The following GMDS variants were observed in gnomAD, a reference collection of about 807,000 sequenced individuals.
The protein encoded by GMDS is GDP-mannose 4,6-dehydratase.
GMDS carries 20 observed loss-of-function variants against 49.9 expected under a neutral mutation model. The observed-to-expected ratio is 0.40, with a 90% CI of 0.28 to 0.58. GMDS has a LOEUF of 0.58. Among genes scored for constraint, GMDS ranks in the 20% least tolerant of loss-of-function variants. The pLI is 0.42. For missense variants in GMDS, 362 were observed against 481.4 expected (o/e 0.75, Z 2.32); for synonymous variants, 177 against 178.6 (o/e 0.99, Z 0.07).
At chr6:1,890,852 A>G (rs1255273847) in intron 7 of GMDS, among the ~76,000 whole-genome samples, 4 of 152,226 alleles carry the variant, frequency 2.6e-5, no homozygotes, top group African/African-American at 9.6e-5. Flanking sequence ...TTTTCAAAAG[A>G]AAGTGTTACT....
chr6:2,138,531 A>G (rs1401240922), intron 1 of GMDS, among the ~76,000 whole-genome samples: 1 of 152,180 alleles, frequency 6.6e-6, no homozygotes, highest in Admixed American at 6.5e-5. Context: ...TGTCCCTCCA[A>G]ATCTCATGTT....
intron 1 of GMDS, among the ~76,000 whole-genome samples, chr6:2,160,574 A>G (rs545444938): frequency 1.9e-4 from 29 of 152,342 alleles, no homozygotes; most frequent in African/African-American, 6.5e-4. Flanking sequence ...ATTTTGAGAC[A>G]GGTGTTGCCC....
intron 7 of GMDS, among the ~76,000 whole-genome samples, chr6:1,762,172 T>G (rs2113553773): frequency 6.6e-6 from 1 of 152,364 alleles, no homozygotes; most frequent in South Asian, 2.1e-4. Flanking sequence ...CGTCTGCATT[T>G]ATTAAGAAAA....
intron 9 of GMDS, chr6:1,625,493 C>A (rs770544386): frequency 6.6e-6 from 1 of 152,236 alleles, no homozygotes; most frequent in African/African-American, 2.4e-5. Context: ...CTGCTCCACT[C>A]GAGGAAACAA....
At position 1,833,990 on chromosome 6, in the gene GMDS, T is replaced by A. The variant is rs1209694811; in HGVS notation, c.772-91404A>T. Among the ~76,000 whole-genome samples, 1 of 152,178 alleles carries A rather than the reference T, an allele frequency of 6.6e-6. No homozygotes were observed. The highest frequency in any genetic ancestry group is 2.4e-5 in the African/African-American group (1 of 41,432). On this transcript the variant is annotated intron_variant, in intron 7 of 10. Coordinates refer to ENST00000380815, the MANE Select transcript of GMDS (RefSeq NM_001500.4). The surrounding 1 kb of genome is among the most constrained non-coding windows in gnomAD (Gnocchi z 4.4). ...AAATGAAGACATGTATATACAAACA[T>A]AACTGAATCACAAAGTCAGAGCTTA...
intron 9 of GMDS, among the ~76,000 whole-genome samples, chr6:1,698,426 T>A (rs897180885): frequency 2.0e-5 from 3 of 152,168 alleles, no homozygotes; most frequent in South Asian, 2.1e-4. Flanking sequence ...GGGAAGAACA[T>A]CCTCCCTCCC....
chr6:2,183,874 G>C (rs1778662627), intron 1 of GMDS, among the ~76,000 whole-genome samples: 1 of 152,086 alleles, frequency 6.6e-6, no homozygotes, highest in South Asian at 2.1e-4. Context: ...ATGATCACTG[G>C]CATTCTTTAG....
intron 1 of GMDS, among the ~76,000 whole-genome samples, chr6:2,168,943 G>T (rs1314590879): frequency 2.6e-5 from 4 of 152,182 alleles, no homozygotes; most frequent in African/African-American, 9.7e-5. Flanking sequence ...ACACTGACAA[G>T]ATATGATTAT....
intron 7 of GMDS, among the ~76,000 whole-genome samples, chr6:1,892,981 A>G (rs948627148): frequency 6.6e-6 from 1 of 152,114 alleles, no homozygotes; most frequent in Non-Finnish European, 1.5e-5. Flanking sequence ...CCTTGTTTAT[A>G]TCAGTCCCGT....
chr6:2,224,400 C>A (rs536409877), intron 1 of GMDS, among the ~76,000 whole-genome samples: 1 of 152,328 alleles, frequency 6.6e-6, no homozygotes, highest in African/African-American at 2.4e-5. Flanking sequence ...GACTTCTGGA[C>A]ATTAGACTCA....
At chr6:2,206,945 C>T in intron 1 of GMDS, among the ~76,000 whole-genome samples, 1 of 152,208 alleles carries the variant, frequency 6.6e-6, no homozygotes, top group East Asian at 1.9e-4. Flanking sequence ...GGGTGAACTA[C>T]TGAAAACCAC....
intron 9 of GMDS, among the ~76,000 whole-genome samples, chr6:1,718,401 CCCTACATGGTTCAG>C (rs1478790980): frequency 6.6e-6 from 1 of 152,202 alleles, no homozygotes; most frequent in East Asian, 1.9e-4. Context: ...CTCCCCACTA[CCCTACATGGTTCAG>C]CCTCTGTCCT....
chr6:2,053,105 C>T (rs1770539765), intron 4 of GMDS, among the ~76,000 whole-genome samples: 1 of 152,066 alleles, frequency 6.6e-6, no homozygotes. Flanking sequence ...ATAATCTACA[C>T]AAGAAAATAT....
intron 7 of GMDS, among the ~76,000 whole-genome samples, chr6:1,822,221 T>C (rs1770931133): frequency 6.6e-6 from 1 of 152,214 alleles, no homozygotes; most frequent in Non-Finnish European, 1.5e-5. Flanking sequence ...TTTTCCCATT[T>C]AAAAAATATC....
At position 1,921,416 on chromosome 6, in the gene GMDS, A is replaced by G. The variant is rs186744923; in HGVS notation, c.771+8687T>C. Among the ~76,000 whole-genome samples, 20 of 152,354 alleles carry G rather than the reference A, an allele frequency of 1.3e-4. No individual in the cohort carries two copies. The East Asian group carries it at 3.7e-3, about 28-fold the overall frequency. On this transcript the variant is annotated intron_variant, in intron 7 of 10. Transcript: ENST00000380815. ...TCTACAGGTTCTTATTTGGGGACAC[A>G]GCAGCTTCTGGGATGTCATTCCAAT... is the stretch of plus-strand genomic sequence containing the variant.
intron 6 of GMDS, among the ~76,000 whole-genome samples, chr6:1,936,490 A>T (rs1217237714): frequency 6.6e-6 from 1 of 152,190 alleles, no homozygotes; most frequent in African/African-American, 2.4e-5. Flanking sequence ...AATAGCTCAG[A>T]CCAGCAAGTC....
chr6:2,149,325 T>C (rs1183219024), intron 1 of GMDS, among the ~76,000 whole-genome samples: 2 of 152,202 alleles, frequency 1.3e-5, no homozygotes, highest in East Asian at 3.8e-4. Flanking sequence ...GTGTATTGAC[T>C]TTTTATTTTT....
chr6:2,127,409 A>T (rs200184903), intron 1 of GMDS, among the ~76,000 whole-genome samples: 3 of 27,810 alleles, frequency 1.1e-4, no homozygotes, highest in South Asian at 1.5e-3. Context: ...TTAAATGTTT[A>T]AAAAAAAAAA....
intron 9 of GMDS, among the ~76,000 whole-genome samples, chr6:1,717,222 A>C (rs1561753274): frequency 6.6e-6 from 1 of 152,258 alleles, no homozygotes; most frequent in South Asian, 2.1e-4. Flanking sequence ...GGTAGTTTTA[A>C]GCCACTAAGT....
Sources: allele counts gnomAD v4.1 joint callset (sites outside exome capture counted in the v4.1 genomes callset), GRCh38; gene constraint gnomAD v4.1.1; non-coding constraint Gnocchi (gnomAD v3.1); transcripts MANE v1.5; gene names NCBI Gene and HGNC (gene_info 2026-07-23, HGNC 2026-07-21).